ANKS1B: variants seen among roughly 807,000 people sequenced by gnomAD.
The protein encoded by ANKS1B is ankyrin repeat and sterile alpha motif domain containing 1B.
In ANKS1B, 36 loss-of-function variants were observed where a neutral mutation model predicts 148.3. That is an observed-to-expected ratio of 0.24 (90% CI 0.19 to 0.32). ANKS1B has a LOEUF of 0.32. ANKS1B is among the 10% of genes least tolerant of loss of function. The pLI is 1.00. For synonymous variants in ANKS1B, 542 were observed against 560.8 expected (o/e 0.97, Z 0.47); for missense variants, 1,157 against 1,542.6 (o/e 0.75, Z 4.19).
At chr12:99,081,131 AG>A (rs1233253609) in intron 16 of ANKS1B, among the ~76,000 whole-genome samples, 1 of 152,238 alleles carries the variant, frequency 6.6e-6, no homozygotes, top group Non-Finnish European at 1.5e-5. Flanking sequence ...GTATTAAAAA[AG>A]ACATATTAAA....
At chr12:99,721,752 T>C (rs185370764) in intron 8 of ANKS1B, among the ~76,000 whole-genome samples, 31 of 152,370 alleles carry the variant, frequency 2.0e-4, no homozygotes, top group Admixed American at 1.1e-3. Flanking sequence ...TGGTGAAGTA[T>C]GTATGTCAAA....
chr12:98,790,619 G>A (rs995185586), intron 22 of ANKS1B, among the ~76,000 whole-genome samples: 29 of 151,428 alleles, frequency 1.9e-4, no homozygotes, highest in East Asian at 1.9e-4. Context: ...CACCTTGCTC[G>A]GCCAGCTGTT....
chr12:99,007,893 C>T (rs1485875890), intron 17 of ANKS1B, among the ~76,000 whole-genome samples: 1 of 151,870 alleles, frequency 6.6e-6, no homozygotes, highest in Non-Finnish European at 1.5e-5. Context: ...ATCTTAGGGA[C>T]ATGATGGGTT....
chr12:98,802,760 G>A (rs2099016469), intron 20 of ANKS1B, among the ~76,000 whole-genome samples: 1 of 151,622 alleles, frequency 6.6e-6, no homozygotes, highest in Admixed American at 6.6e-5. Context: ...GAACTCCTTC[G>A]GCTTTTCTCT....
At chr12:99,171,764 C>T (rs1952590383) in intron 14 of ANKS1B, among the ~76,000 whole-genome samples, 1 of 152,046 alleles carries the variant, frequency 6.6e-6, no homozygotes, top group African/African-American at 2.4e-5. Context: ...TGATTTTGTT[C>T]TTGTTTTCCC....
At chr12:99,134,669 A>T (rs1370982093) in intron 15 of ANKS1B, among the ~76,000 whole-genome samples, 13 of 149,234 alleles carry the variant, frequency 8.7e-5, no homozygotes, top group African/African-American at 2.2e-4. Context: ...ACACACACAC[A>T]CACACACACA....
At chr12:99,837,153 G>A (rs1202423750) in intron 1 of ANKS1B, among the ~76,000 whole-genome samples, 1 of 152,098 alleles carries the variant, frequency 6.6e-6, no homozygotes, top group African/African-American at 2.4e-5. Flanking sequence ...GGCCATTGTT[G>A]GCTCTAAAGA....
chr12:98,837,229 C>A (rs1381754283), intron 17 of ANKS1B, among the ~76,000 whole-genome samples: 1 of 150,612 alleles, frequency 6.6e-6, no homozygotes, highest in East Asian at 1.9e-4. Context: ...CCCAGCTACT[C>A]GGGAGGCCGA....
intron 17 of ANKS1B, among the ~76,000 whole-genome samples, chr12:99,043,892 A>G (rs142847899): frequency 1.3e-5 from 2 of 152,328 alleles, no homozygotes; most frequent in East Asian, 3.9e-4. Flanking sequence ...GGCACCGTGT[A>G]TGTTAGTTTT....
At chr12:99,161,964 C>T (rs2076696764) in intron 14 of ANKS1B, among the ~76,000 whole-genome samples, 1 of 152,066 alleles carries the variant, frequency 6.6e-6, no homozygotes, top group African/African-American at 2.4e-5. Flanking sequence ...CGTGATGCAT[C>T]CATACTATTG....
chr12:99,711,172 C>T (rs2056582586), intron 8 of ANKS1B, among the ~76,000 whole-genome samples: 2 of 152,076 alleles, frequency 1.3e-5, no homozygotes. Context: ...AACTGGAATG[C>T]AAGGTGCTAA....
chr12:99,633,487 G>A (rs10860478), intron 9 of ANKS1B, among the ~76,000 whole-genome samples: 38,364 of 151,800 alleles, frequency 0.25, 5,212 homozygotes, highest in East Asian at 0.47. Flanking sequence ...AAATTAATTC[G>A]AGATGGATTA....
At chr12:98,982,608 G>A (rs944854331) in intron 17 of ANKS1B, among the ~76,000 whole-genome samples, 1 of 151,840 alleles carries the variant, frequency 6.6e-6, no homozygotes, top group Admixed American at 6.6e-5. Flanking sequence ...ATATTGTTAG[G>A]GTTTGCATAT....
At chr12:99,135,844 C>G (rs1295442314) in intron 15 of ANKS1B, among the ~76,000 whole-genome samples, 2 of 151,900 alleles carry the variant, frequency 1.3e-5, no homozygotes, top group African/African-American at 4.8e-5. Flanking sequence ...GAAGAGAGTC[C>G]CAAAATGATG....
At chr12:98,868,030 G>C (rs758638230) in intron 17 of ANKS1B, among the ~76,000 whole-genome samples, 1 of 152,050 alleles carries the variant, frequency 6.6e-6, no homozygotes, top group East Asian at 1.9e-4. Flanking sequence ...GCAGAGGAGC[G>C]ATCTAAACAC....
intron 12 of ANKS1B, among the ~76,000 whole-genome samples, chr12:99,355,452 T>C (rs756771799): frequency 5.3e-5 from 8 of 152,180 alleles, no homozygotes; most frequent in Non-Finnish European, 8.8e-5. Context: ...TTAATGCCTT[T>C]TTAGTTGTCT....
chr12:98,799,518 G>A (rs1480062202), intron 21 of ANKS1B, among the ~76,000 whole-genome samples: 2 of 135,356 alleles, frequency 1.5e-5, no homozygotes, highest in East Asian at 5.0e-4. Flanking sequence ...ATCCACCTGA[G>A]AACGGGATGG....
chr12:98,869,912 A>G (rs1421372013), intron 17 of ANKS1B, among the ~76,000 whole-genome samples: 1 of 152,192 alleles, frequency 6.6e-6, no homozygotes, highest in Non-Finnish European at 1.5e-5. Context: ...GTTTCACATG[A>G]AGAGTACATG....
intron 9 of ANKS1B, among the ~76,000 whole-genome samples, chr12:99,573,438 A>G (rs939320020): frequency 2.6e-5 from 4 of 152,098 alleles, no homozygotes; most frequent in Non-Finnish European, 5.9e-5. Flanking sequence ...GCTTCAAAAA[A>G]TGAATGTTTT....
Sources: allele counts gnomAD v4.1 joint callset (sites outside exome capture counted in the v4.1 genomes callset), GRCh38; gene constraint gnomAD v4.1.1; transcripts MANE v1.5; gene names NCBI Gene and HGNC (gene_info 2026-07-23, HGNC 2026-07-21).